Variants in TLE1 observed in about 807,000 individuals in gnomAD.
TLE1 encodes the protein transducin-like enhancer protein 1.
Under a neutral mutation model 89.8 loss-of-function variants are expected in TLE1, and 21 were observed. That is an observed-to-expected ratio of 0.23 (90% CI 0.17 to 0.34). The LOEUF (loss-of-function observed/expected upper bound fraction) is 0.34. TLE1 is among the 10% of genes least tolerant of loss of function. The pLI is 1.00. For missense variants in TLE1, 795 were observed against 1,031.2 expected (o/e 0.77, Z 3.14); for synonymous variants, 447 against 407.6 (o/e 1.10, Z -1.16).
At chr9:81,662,172 G>C (rs1297981182) in intron 4 of TLE1, among the ~76,000 whole-genome samples, 1 of 152,182 alleles carries the variant, frequency 6.6e-6, no homozygotes, top group African/African-American at 2.4e-5. Flanking sequence ...CCGAGTTTTT[G>C]AGAAAGTTAA....
chr9:81,594,074 C>G (rs1829900326), intron 14 of TLE1, among the ~76,000 whole-genome samples: 1 of 152,212 alleles, frequency 6.6e-6, no homozygotes, highest in South Asian at 2.1e-4. Flanking sequence ...TGGGAACTCT[C>G]TGTAACTTTC....
At chr9:81,654,770 T>G (rs1249121640) in intron 4 of TLE1, among the ~76,000 whole-genome samples, 1 of 152,156 alleles carries the variant, frequency 6.6e-6, no homozygotes, top group East Asian at 1.9e-4. Flanking sequence ...AGATGAGGCC[T>G]AAGGTGATAG....
At chr9:81,666,776 AAAATAAAT>A (rs58357123) in intron 4 of TLE1, among the ~76,000 whole-genome samples, 11,768 of 141,816 alleles carry the variant, frequency 0.083, 638 homozygotes, top group Non-Finnish European at 0.12. Flanking sequence ...CTCGTCTCAC[AAAATAAAT>A]AAATAAATAA....
At chr9:81,659,138 A>G (rs1182513892) in intron 4 of TLE1, among the ~76,000 whole-genome samples, 1 of 151,886 alleles carries the variant, frequency 6.6e-6, no homozygotes, top group Non-Finnish European at 1.5e-5. Flanking sequence ...CGATCTCCTG[A>G]TCCTCGTGAT....
At chr9:81,597,492 G>A (rs907373492) in intron 14 of TLE1, among the ~76,000 whole-genome samples, 26 of 152,130 alleles carry the variant, frequency 1.7e-4, no homozygotes, top group African/African-American at 5.6e-4. Context: ...TAGAACAAAC[G>A]CCCAAAGAGT....
chr9:81,664,682 G>A (rs1230173887), intron 4 of TLE1, among the ~76,000 whole-genome samples: 1 of 151,688 alleles, frequency 6.6e-6, no homozygotes, highest in Non-Finnish European at 1.5e-5. Context: ...GGGCAACATA[G>A]GGAAACTCAA....
intron 3 of TLE1, 36 bp from the exon 4 acceptor site, chr9:81,685,756 CTCA>C (rs1431262980): frequency 1.2e-6 from 2 of 1,612,152 alleles, no homozygotes; most frequent in African/African-American, 2.7e-5. Context: ...ATTTCATTAA[CTCA>C]TGTTTTTTAC....
intron 17 of TLE1, among the ~76,000 whole-genome samples, chr9:81,586,320 T>C (rs575600707): frequency 2.6e-5 from 4 of 152,314 alleles, no homozygotes; most frequent in Non-Finnish European, 4.4e-5. Flanking sequence ...CCTGGCCTTG[T>C]TAGGTGACTT....
At chr9:81,609,445 C>T (rs575095276) in intron 14 of TLE1, among the ~76,000 whole-genome samples, 21 of 152,318 alleles carry the variant, frequency 1.4e-4, no homozygotes, top group African/African-American at 5.1e-4. Flanking sequence ...CAGACCTTCA[C>T]ATTTCAATTC....
intron 4 of TLE1, among the ~76,000 whole-genome samples, chr9:81,662,095 T>C (rs1042277574): frequency 1.3e-5 from 2 of 152,154 alleles, no homozygotes; most frequent in African/African-American, 4.8e-5. Flanking sequence ...GCAGCACTAG[T>C]TTCAAAGCGA....
intron 6 of TLE1, among the ~76,000 whole-genome samples, chr9:81,644,128 C>T (rs1488262357): frequency 1.3e-5 from 2 of 152,144 alleles, no homozygotes; most frequent in Non-Finnish European, 2.9e-5. Context: ...TTGGAATTCT[C>T]GTACGCTATT....
Position 81,587,920 on chromosome 9 carries a change from G to GTGTGTGTGTGTCATCCCGCC in TLE1, c.1830-93_1830-92insGGCGGGATGACACACACACA, listed in dbSNP as rs1564104331. ...TTAGTTTTGGACCGTGTGTGTGTGT[G>GTGTGTGTGTGTCATCCCGCC]TGTGTGTGTGTGTGTGTGTGTGTGT... is the stretch of plus-strand genomic sequence containing the variant. On this transcript the variant is annotated intron_variant, in intron 16 of 19. Transcript: ENST00000376499. 3 of 1,015,412 alleles carry GTGTGTGTGTGTCATCCCGCC rather than the reference G, an allele frequency of 3.0e-6. No homozygotes were observed. In the African/African-American group the frequency reaches 5.0e-5, roughly 17 times the overall value. 62.9% of individuals were successfully genotyped at this position (1,015,412 alleles called of 1,614,324 possible).
intron 17 of TLE1, among the ~76,000 whole-genome samples, chr9:81,587,276 T>C (rs1828636271): frequency 6.6e-6 from 1 of 152,206 alleles, no homozygotes; most frequent in Non-Finnish European, 1.5e-5. Context: ...CTACTCTTAG[T>C]GACATTCTGC....
chr9:81,596,365 G>C (rs1202070106), intron 14 of TLE1, among the ~76,000 whole-genome samples: 1 of 152,150 alleles, frequency 6.6e-6, no homozygotes, highest in Non-Finnish European at 1.5e-5. Flanking sequence ...TGCCTGCTGT[G>C]CTGGAGAGCC....
At chr9:81,655,772 C>A (rs1324972807) in intron 4 of TLE1, among the ~76,000 whole-genome samples, 1 of 151,002 alleles carries the variant, frequency 6.6e-6, no homozygotes, top group African/African-American at 2.4e-5. Context: ...AGTAGAAATC[C>A]CAGGAACAAA....
At position 81,683,623 on chromosome 9, in the gene TLE1, T is replaced by TTA. The variant is rs1833892903; in HGVS notation, c.234+2051_234+2052dup. On this transcript the variant is annotated intron_variant, in intron 4 of 19. Transcript: ENST00000376499. Reference sequence around the variant, plus strand: ...AAATGTAAGTCCACTTTAAACTGAATTATAGCACTACTTTGCACAGCACTC... The same window carrying TTA: ...AAATGTAAGTCCACTTTAAACTGAATTATATAGCACTACTTTGCACAGCACTC... Among the ~76,000 whole-genome samples, 3 of 152,284 alleles carry TTA rather than the reference T, an allele frequency of 2.0e-5. No individual in the cohort carries two copies. In the South Asian group the frequency reaches 6.2e-4, roughly 32 times the overall value.
intron 14 of TLE1, among the ~76,000 whole-genome samples, chr9:81,599,370 A>G (rs1212424543): frequency 2.0e-5 from 3 of 152,158 alleles, no homozygotes; most frequent in Non-Finnish European, 4.4e-5. Flanking sequence ...CAAGAGGGAT[A>G]ACGTGGGACC....
At chr9:81,618,659 A>C (rs1483268872) in intron 9 of TLE1, among the ~76,000 whole-genome samples, 2 of 152,222 alleles carry the variant, frequency 1.3e-5, no homozygotes, top group African/African-American at 4.8e-5. Context: ...AGCAAAGCAC[A>C]AATGTTTCCA....
intron 8 of TLE1, among the ~76,000 whole-genome samples, chr9:81,621,934 G>C (rs939605909): frequency 6.6e-6 from 1 of 152,178 alleles, no homozygotes; most frequent in Admixed American, 6.5e-5. Flanking sequence ...GATAAAAGCA[G>C]CTGGGAGGGA....
Sources: gnomAD v4.1 joint callset for allele counts (sites outside exome capture counted in the v4.1 genomes callset) on GRCh38, gnomAD v4.1.1 for gene constraint, MANE v1.5 for transcripts, NCBI Gene and HGNC (gene_info 2026-07-23, HGNC 2026-07-21) for gene names.